Variants in KRABD3 observed in about 807,000 individuals in gnomAD.
KRABD3 encodes the protein KRAB domain containing 3, also known as KRAB domain-containing protein 3.
At chr7:149,721,588 C>G in the KRABD3 span, 10 of 1,579,536 alleles carry the variant, frequency 6.3e-6, no homozygotes, top group Non-Finnish European at 7.7e-6. Flanking sequence ...AAGCCCTGAT[C>G]GTGGCGTCAG....
chr7:149,729,976 C>T, the KRABD3 span: 3 of 1,298,820 alleles, frequency 2.3e-6, no homozygotes, highest in African/African-American at 4.5e-5. Flanking sequence ...GCTCTGGCTT[C>T]ACTTTTGTCC....
At chr7:149,719,642 C>A in the KRABD3 span, 1 of 1,606,746 alleles carries the variant, frequency 6.2e-7, no homozygotes. The surrounding 1 kb of genome is among the most constrained non-coding windows in gnomAD (Gnocchi z 5.6). Flanking sequence ...AGACGTGATG[C>A]GGGAGAACTA....
chr7:149,720,924 G>C, the KRABD3 span: 4 of 1,613,586 alleles, frequency 2.5e-6, no homozygotes, highest in Non-Finnish European at 3.4e-6. Context: ...AGTCAAGGGC[G>C]CTATGGACAG....
the KRABD3 span, chr7:149,721,241 A>G: frequency 1.6e-4 from 187 of 1,143,520 alleles, 1 homozygote; most frequent in Non-Finnish European, 2.2e-4. Context: ...GGCCCCATTC[A>G]GAGCCCAGTG....
At chr7:149,732,247 A>G in the KRABD3 span, among the ~76,000 whole-genome samples, 1 of 152,152 alleles carries the variant, frequency 6.6e-6, no homozygotes, top group Admixed American at 6.5e-5. The surrounding 1 kb of genome is among the most constrained non-coding windows in gnomAD (Gnocchi z 4.0). Flanking sequence ...GCTTCTGTCC[A>G]GGCGCCACCA....
chr7:149,728,648 C>A, the KRABD3 span: 3 of 1,613,602 alleles, frequency 1.9e-6, no homozygotes, highest in Admixed American at 1.7e-5. Flanking sequence ...GAGAGCAGAG[C>A]CCAGGAACTG....
the KRABD3 span, chr7:149,720,028 C>A: frequency 1.1e-5 from 17 of 1,549,874 alleles, no homozygotes; most frequent in Non-Finnish European, 1.5e-5. Context: ...GCTGCTCCCC[C>A]TCTCTGCTTT....
the KRABD3 span, chr7:149,719,696 G>A: frequency 1.9e-5 from 30 of 1,590,424 alleles, no homozygotes; most frequent in East Asian, 2.5e-4. This position sits in a 1 kb window ranked among gnomAD's most constrained non-coding sequence, Gnocchi z 5.6. Context: ...GGAGCAGCAC[G>A]TGTGGCAGGA....
At chr7:149,733,349 C>G in the KRABD3 span, 1,143 of 1,612,356 alleles carry the variant, frequency 7.1e-4, 24 homozygotes, top group East Asian at 0.024. Flanking sequence ...TGGGAAGCCC[C>G]TGCAGCAGGA....
chr7:149,719,535 T>G, the KRABD3 span: 10 of 1,561,244 alleles, frequency 6.4e-6, no homozygotes, highest in South Asian at 1.2e-4. The surrounding 1 kb of genome is among the most constrained non-coding windows in gnomAD (Gnocchi z 5.6). Flanking sequence ...CCCCGGAGAC[T>G]GTGCCTGCAG....
the KRABD3 span, chr7:149,722,344 A>C: frequency 1.9e-6 from 3 of 1,551,822 alleles, no homozygotes; most frequent in Non-Finnish European, 2.6e-6. Context: ...GCTGTCCTCT[A>C]TGGGAACCAG....
chr7:149,719,341 C>T, the KRABD3 span: 3 of 486,802 alleles, frequency 6.2e-6, no homozygotes, highest in East Asian at 7.2e-5. This position sits in a 1 kb window ranked among gnomAD's most constrained non-coding sequence, Gnocchi z 5.6. Context: ...TACTTACAGG[C>T]GTGAGGGTTA....
At chr7:149,720,759 G>A in the KRABD3 span, 1 of 1,381,620 alleles carries the variant, frequency 7.2e-7, no homozygotes, top group Non-Finnish European at 9.8e-7. Context: ...GAGATGCTGG[G>A]TGTGAAAACA....
chr7:149,717,347 A>AGCCT, the KRABD3 span, among the ~76,000 whole-genome samples: 1 of 152,212 alleles, frequency 6.6e-6, no homozygotes, highest in Non-Finnish European at 1.5e-5. Context: ...ACACCTAAAT[A>AGCCT]CCTGGAAGCC....
At chr7:149,718,922 G>A in the KRABD3 span, among the ~76,000 whole-genome samples, 834 of 152,390 alleles carry the variant, frequency 5.5e-3, 17 homozygotes, top group East Asian at 0.039. Flanking sequence ...AGTACAGGGT[G>A]TAAAGGAGCC....
At chr7:149,732,184 C>T in the KRABD3 span, among the ~76,000 whole-genome samples, 1 of 152,144 alleles carries the variant, frequency 6.6e-6, no homozygotes, top group Non-Finnish European at 1.5e-5. This position sits in a 1 kb window ranked among gnomAD's most constrained non-coding sequence, Gnocchi z 4.0. Flanking sequence ...AGCCCCACAC[C>T]AGGAACTTTG....
chr7:149,734,156 C>G, the KRABD3 span: 1 of 1,392,662 alleles, frequency 7.2e-7, no homozygotes, highest in South Asian at 1.5e-5. Flanking sequence ...CGCCATCTCC[C>G]TTACTGTTGC....
the KRABD3 span, chr7:149,723,590 GCACTGGGAAGACTCAGCGAGC>G: frequency 5.3e-6 from 4 of 751,396 alleles, no homozygotes; most frequent in Non-Finnish European, 8.4e-6. Context: ...GTGGACCCAG[GCACTGGGAAGACTCAGCGAGC>G]CACTGGAAGA....
At chr7:149,729,793 G>T in the KRABD3 span, 1 of 985,376 alleles carries the variant, frequency 1.0e-6, no homozygotes, top group East Asian at 1.1e-4. Context: ...CCCTTGGGCT[G>T]CTGGCCCCTG....
Sources: gnomAD v4.1 joint callset for allele counts (sites outside exome capture counted in the v4.1 genomes callset) on GRCh38, gnomAD v4.1.1 for gene constraint, Gnocchi (gnomAD v3.1) non-coding constraint, MANE v1.5 for transcripts, NCBI Gene and HGNC (gene_info 2026-07-23, HGNC 2026-07-21) for gene names.